PHF6: variants seen among roughly 807,000 people sequenced by gnomAD.
The protein encoded by PHF6 is PHD finger protein 6, also known as PHD-like zinc finger protein.
PHF6 carries 7 observed loss-of-function variants against 34.0 expected under a neutral mutation model. The ratio of observed to expected loss-of-function variants is 0.21; its 90% confidence interval spans 0.12 to 0.39. PHF6 has a LOEUF of 0.39. Among genes scored for constraint, PHF6 ranks in the 10% least tolerant of loss-of-function variants. PHF6 has a pLI of 1.00. For missense variants in PHF6, 128 were observed against 262.8 expected, an observed-to-expected ratio of 0.49 and a Z score of 3.55; for synonymous variants, 89 against 88.4, an observed-to-expected ratio of 1.01 and a Z score of -0.04.
intron 3 of PHF6, among the ~76,000 whole-genome samples, chrX:134,383,192 A>G (rs2077315045): frequency 9.1e-6 from 1 of 110,203 alleles, no homozygotes; most frequent in Non-Finnish European, 1.9e-5. Context: ...GTGAGCTATG[A>G]TTGTGCCACT....
rs770247148 is a variant in PHF6, at chrX:134,425,197, G to A, written c.969-4G>A. 15 of 1,208,204 alleles carry A rather than the reference G, an allele frequency of 1.2e-5. No homozygotes were observed. The highest frequency in any genetic ancestry group is 3.5e-5 in the African/African-American group (2 of 57,172). On this transcript the variant is annotated splice_region_variant and splice_polypyrimidine_tract_variant and intron_variant, in intron 9 of 10. Coordinates refer to ENST00000370803, the MANE Select transcript of PHF6 (RefSeq NM_001015877.2). ...TTTGAGATTTTTGTCTTTCATCATT[G>A]TAGACTATACTGTAAAAATCATAGT...
At chrX:134,414,913 A>T (rs1433005196) in intron 7 of PHF6, 103 bp from the exon 8 acceptor site, 1 of 653,281 alleles carries the variant, frequency 1.5e-6, no homozygotes. Context: ...TTAAGGAAAG[A>T]TTATCTTTCT....
intron 1 of PHF6, among the ~76,000 whole-genome samples, chrX:134,374,485 CCTGTTAGAAATA>C (rs1340959846): frequency 8.9e-6 from 1 of 112,437 alleles, no homozygotes; most frequent in African/African-American, 3.2e-5. Flanking sequence ...CTGTAACTTT[CCTGTTAGAAATA>C]CTGCTTCTTT....
intron 5 of PHF6, among the ~76,000 whole-genome samples, chrX:134,401,459 T>A (rs1602706481): frequency 9.0e-6 from 1 of 111,192 alleles, no homozygotes; most frequent in African/African-American, 3.3e-5. Context: ...AGGACATAAT[T>A]AAGTGACAGA....
chrX:134,396,153 G>A (rs2077376285), intron 5 of PHF6, among the ~76,000 whole-genome samples: 1 of 111,558 alleles, frequency 9.0e-6, no homozygotes, highest in Non-Finnish European at 1.9e-5. Context: ...TGTGAAATAA[G>A]TACATCATGG....
At chrX:134,380,042 T>C (rs2077299674) in intron 3 of PHF6, among the ~76,000 whole-genome samples, 2 of 111,855 alleles carry the variant, frequency 1.8e-5, no homozygotes, top group African/African-American at 3.2e-5. Context: ...TGGTCCCTAA[T>C]GTTGAAACAT....
chrX:134,381,701 G>A (rs1489939734), intron 3 of PHF6, among the ~76,000 whole-genome samples: 5 of 110,020 alleles, frequency 4.5e-5, no homozygotes, highest in African/African-American at 1.7e-4. Flanking sequence ...CACCATGTTA[G>A]GCTGGTCGCG....
At chrX:134,421,673 C>T (rs1480273312) in intron 9 of PHF6, among the ~76,000 whole-genome samples, 1 of 110,356 alleles carries the variant, frequency 9.1e-6, no homozygotes, top group African/African-American at 3.3e-5. Context: ...TTTAACTCTG[C>T]CATGCAGAGG....
chrX:134,384,928 G>A (rs1178152830), intron 3 of PHF6, among the ~76,000 whole-genome samples: 2 of 111,779 alleles, frequency 1.8e-5, no homozygotes, highest in Admixed American at 9.5e-5. Flanking sequence ...TGGGATTACA[G>A]GCGTGAGCCA....
At chrX:134,374,311 T>A (rs1351747527) in intron 1 of PHF6, among the ~76,000 whole-genome samples, 1 of 112,332 alleles carries the variant, frequency 8.9e-6, no homozygotes, top group South Asian at 3.7e-4. Flanking sequence ...CAGGTCTTAT[T>A]TATACTGTTC....
At chrX:134,406,113 T>TCTTTCTTTCTTTC (rs1426712317) in intron 5 of PHF6, among the ~76,000 whole-genome samples, 1 of 98,766 alleles carries the variant, frequency 1.0e-5, no homozygotes, top group African/African-American at 3.6e-5. Flanking sequence ...TTTCTTTCTT[T>TCTTTCTTTCTTTC]TTTTTTTTAC....
Position 134,426,042 on chromosome X carries a change from C to A in PHF6, c.*382C>A, listed in dbSNP as rs1398029581. 1.2e-5 allele frequency: 2 copies of A among 162,648 alleles called. No homozygotes were observed. The highest frequency in any genetic ancestry group is 2.4e-5 in the Non-Finnish European group (2 of 83,800). 13.4% of individuals were successfully genotyped at this position (162,648 alleles called of 1,213,427 possible). Reference sequence around the variant, plus strand: ...TCAAAGGAAAGCATAAGCAAATTTTCCTTTACAATGCAAACATGCCACTGG... The same window carrying A: ...TCAAAGGAAAGCATAAGCAAATTTTACTTTACAATGCAAACATGCCACTGG... On this transcript the variant is annotated 3_prime_UTR_variant, in exon 11 of 11. Transcript: ENST00000370803.
Position 134,428,378 on chromosome X carries a change from C to A in PHF6, c.*2718C>A. The A allele has an allele frequency of 6.5e-6, 1 of 155,037 alleles. No homozygotes were observed. Among genetic ancestry groups the A allele is most frequent in the Non-Finnish European group, 1.3e-5 (1 of 78,656 alleles). The allele number at this position is 155,037 out of a possible 1,213,427, so 12.8% of individuals were successfully genotyped here. On this transcript the variant is annotated 3_prime_UTR_variant, in exon 11 of 11. Transcript: ENST00000370803. ...CTGAAGTAAATTTTATTTCAAGAAT[C>A]AGCAGTTTTAGAATTTCAGATAGTA...
intron 1 of PHF6, among the ~76,000 whole-genome samples, chrX:134,373,971 GGAT>G (rs2077268116): frequency 9.1e-6 from 1 of 110,311 alleles, no homozygotes. Context: ...GAAAGTGGTA[GGAT>G]GATATTTTCC....
intron 5 of PHF6, among the ~76,000 whole-genome samples, chrX:134,401,881 G>T (rs766288556): frequency 8.9e-6 from 1 of 112,131 alleles, no homozygotes; most frequent in Non-Finnish European, 1.9e-5. Flanking sequence ...AGGAAATAGG[G>T]TCACCATAGT....
At chrX:134,411,863 G>C (rs1486374353) in intron 5 of PHF6, among the ~76,000 whole-genome samples, 2 of 111,195 alleles carry the variant, frequency 1.8e-5, no homozygotes. Context: ...CTCCCGATTA[G>C]CTGGGACTAC....
At chrX:134,395,956 T>C (rs771702869) in intron 5 of PHF6, among the ~76,000 whole-genome samples, 1 of 112,282 alleles carries the variant, frequency 8.9e-6, no homozygotes, top group Non-Finnish European at 1.9e-5. Flanking sequence ...TGGAAAATCC[T>C]TTGTGAAAGA....
intron 5 of PHF6, among the ~76,000 whole-genome samples, chrX:134,411,460 TAATA>T (rs756337785): frequency 1.4e-3 from 159 of 110,936 alleles, no homozygotes; most frequent in African/African-American, 4.7e-3. Context: ...TATAGATGTT[TAATA>T]AATAACATTA....
At position 134,407,238 on chromosome X, in the gene PHF6, G is replaced by A. The variant is rs771520568; in HGVS notation, c.419-6253G>A. Among the ~76,000 whole-genome samples the A allele has an allele frequency of 8.9e-5, 10 of 112,331 alleles. No homozygotes were observed. In the South Asian group the frequency reaches 3.7e-3, roughly 41 times the overall value. On this transcript the variant is annotated intron_variant, in intron 5 of 10. Transcript: ENST00000370803. The stretch of plus-strand genomic sequence containing the variant: ...TGGAATGATTGTGAGGCTCAAATGA[G>A]ATAATGCATATAAACCACATAGCAT...
Sources: allele counts gnomAD v4.1 joint callset (sites outside exome capture counted in the v4.1 genomes callset), GRCh38; gene constraint gnomAD v4.1.1; transcripts MANE v1.5; gene names NCBI Gene and HGNC (gene_info 2026-07-23, HGNC 2026-07-21).